Variants in PCLO observed in about 807,000 individuals in gnomAD.
PCLO encodes the protein protein piccolo.
PCLO carries 82 observed loss-of-function variants against 427.5 expected under a neutral mutation model. The observed-to-expected ratio is 0.19, with a 90% confidence interval of 0.16 to 0.23. PCLO has a LOEUF of 0.23. Ranked by LOEUF, PCLO falls within the 10% of genes least tolerant of loss-of-function variation. The probability of loss-of-function intolerance (pLI) is 1.00; values close to 1 mark genes in which losing one functional copy is unlikely to be tolerated. For missense variants in PCLO, 6,239 were observed against 6,115.9 expected (o/e 1.02, Z -0.67); for synonymous variants, 2,357 against 2,155.4 (o/e 1.09, Z -2.59).
intron 6 of PCLO, among the ~76,000 whole-genome samples, chr7:82,931,418 T>G (rs1226879464): frequency 6.6e-6 from 1 of 152,106 alleles, no homozygotes; most frequent in Non-Finnish European, 1.5e-5. Context: ...CAACAATATT[T>G]ACATTTTCTG....
In PCLO at chr7:83,135,503, A is replaced by C; in HGVS notation, c.2047T>G (p.Ser683Ala). ...SKSSPQPQQT[S>A]PKKDAAPKQD... Reference sequence around the variant, plus strand: ...TTTGGTGCAGCATCCTTCTTTGGGGAAGTCTGCTGTGGCTGTGGGGATGAT... The same window carrying C: ...TTTGGTGCAGCATCCTTCTTTGGGGCAGTCTGCTGTGGCTGTGGGGATGAT... Residue 683 changes from serine to alanine, a missense_variant, in exon 3 of 25, where the codon TCC (serine) becomes GCC (alanine). Coordinates refer to ENST00000333891, the MANE Select transcript of PCLO (RefSeq NM_033026.6). 6.2e-7 allele frequency: 1 copy of C among 1,613,496 alleles called. No homozygotes were observed. Among genetic ancestry groups the C allele is most frequent in the Non-Finnish European group, 8.5e-7 (1 of 1,179,786 alleles).
intron 22 of PCLO, among the ~76,000 whole-genome samples, chr7:82,780,676 T>G (rs1790854539): frequency 6.6e-6 from 1 of 152,164 alleles, no homozygotes; most frequent in East Asian, 1.9e-4. Flanking sequence ...GCCTCGCGAG[T>G]GGCTTATTTG....
chr7:82,956,607 T>C lies in PCLO; in HGVS notation c.4346A>G (p.Gln1449Arg), dbSNP rs949923327. 9.3e-6 allele frequency: 15 copies of C among 1,613,654 alleles called. No homozygotes were observed. Among genetic ancestry groups the C allele is most frequent in the Admixed American group, 1.7e-5 (1 of 59,952 alleles). Residue 1449 changes from glutamine (Q) to arginine (R), a missense_variant, in exon 5 of 25, where the codon CAA becomes CGA. By Grantham distance (43) the Gln-to-Arg change is conservative. Transcript: ENST00000333891. ...TTCAGATAAACTCTGAGTTTTCTCT[T>C]GGTCTTTAGGCTGTTCAGGAGAAAC... ...HEVSPEQPKD[Q>R]EKTQSLSETL... is the part of the protein sequence containing the mutation.
At chr7:82,800,932 C>T (rs908221134) in intron 22 of PCLO, among the ~76,000 whole-genome samples, 1 of 151,762 alleles carries the variant, frequency 6.6e-6, no homozygotes, top group Non-Finnish European at 1.5e-5. Flanking sequence ...AGCTTGTCAT[C>T]GTAAAGCTTA....
At chr7:82,776,667 C>T (rs952030983) in intron 22 of PCLO, among the ~76,000 whole-genome samples, 2 of 151,916 alleles carry the variant, frequency 1.3e-5, no homozygotes, top group Non-Finnish European at 2.9e-5. Flanking sequence ...TGATGGCGTG[C>T]GCCTGTAATC....
chr7:83,001,509 C>G (rs1787823293), intron 3 of PCLO, among the ~76,000 whole-genome samples: 1 of 151,114 alleles, frequency 6.6e-6, no homozygotes, highest in Non-Finnish European at 1.5e-5. Context: ...CATACAAACA[C>G]ACACACACAC....
chr7:82,859,001 T>C (rs1240483668), intron 10 of PCLO, among the ~76,000 whole-genome samples: 1 of 152,092 alleles, frequency 6.6e-6, no homozygotes, highest in African/African-American at 2.4e-5. Context: ...ATGGTGTCTA[T>C]GGGGTGAGGC....
rs1789952803 is a variant in PCLO, at chr7:83,076,393, G to A, written c.3300+57857C>T. Reference sequence around the variant, plus strand: ...TTCTCCTGCCTCAGCCTCCCAAGTAGCTGGGATTACAGGTGCCTGCCACCA... The same window carrying A: ...TTCTCCTGCCTCAGCCTCCCAAGTAACTGGGATTACAGGTGCCTGCCACCA... On this transcript the variant is annotated intron_variant, in intron 3 of 24. Transcript: ENST00000333891. Among the ~76,000 whole-genome samples the A allele has an allele frequency of 2.0e-5, 3 of 151,912 alleles. No individual in the cohort carries two copies. In the South Asian group the frequency reaches 6.2e-4, roughly 31 times the overall value.
intron 3 of PCLO, among the ~76,000 whole-genome samples, chr7:83,086,449 T>C (rs560366427): frequency 5.9e-5 from 9 of 151,954 alleles, no homozygotes; most frequent in African/African-American, 1.9e-4. Flanking sequence ...GTGAAAAACT[T>C]CCTTATTGAT....
At chr7:82,791,672 T>C (rs1014977488) in intron 22 of PCLO, among the ~76,000 whole-genome samples, 2 of 152,198 alleles carry the variant, frequency 1.3e-5, no homozygotes, top group Non-Finnish European at 2.9e-5. Flanking sequence ...TACTTTCTTA[T>C]CTGTAAAACT....
intron 3 of PCLO, among the ~76,000 whole-genome samples, chr7:83,133,626 T>C (rs1174116062): frequency 3.3e-5 from 5 of 151,958 alleles, no homozygotes; most frequent in Non-Finnish European, 7.4e-5. Flanking sequence ...TAAAGTGCCA[T>C]ATCATACAGA....
chr7:82,762,554 T>C (rs1790452705), intron 22 of PCLO, among the ~76,000 whole-genome samples: 1 of 152,070 alleles, frequency 6.6e-6, no homozygotes, highest in African/African-American at 2.4e-5. Context: ...AACCTTTGTT[T>C]ATGTGGATAA....
At chr7:82,874,412 T>G (rs1793318939) in intron 10 of PCLO, among the ~76,000 whole-genome samples, 1 of 152,188 alleles carries the variant, frequency 6.6e-6, no homozygotes, top group Admixed American at 6.5e-5. Flanking sequence ...AGTGAGCCAC[T>G]GTGACGGGCC....
chr7:82,766,652 A>G (rs1313806875), intron 22 of PCLO, among the ~76,000 whole-genome samples: 2 of 152,160 alleles, frequency 1.3e-5, no homozygotes, highest in Non-Finnish European at 2.9e-5. Flanking sequence ...GACAAATTTT[A>G]TCTGGGAGAA....
Position 83,134,560 on chromosome 7 carries a change from T to C in PCLO, c.2990A>G (p.Lys997Arg), listed in dbSNP as rs780538666. 2.5e-6 allele frequency: 4 copies of C among 1,613,940 alleles called. No individual in the cohort carries two copies. In the South Asian group the frequency reaches 4.4e-5, roughly 18 times the overall value. The change falls in exon 3 of 25, where the codon AAA becomes AGA. Residue 997 changes from lysine to arginine, a missense_variant. Physicochemically the swap from Lys to Arg is conservative, Grantham distance 26. Around this residue, in one of 5 missense-constraint regions of PCLO, gnomAD observed 4,677 missense variants for 4,468.4 expected, o/e 1.05. Coordinates refer to ENST00000333891, the MANE Select transcript of PCLO (RefSeq NM_033026.6). ...AGCTGCTGGGGCTTTTGTTTCCTTT[T>C]TCACAGGTATACTTTTTGCAGGTGC... Reference protein sequence around the residue: ...PPAPAKSIPVKKETKAPAAEK... With the variant: ...PPAPAKSIPVRKETKAPAAEK...
intron 3 of PCLO, among the ~76,000 whole-genome samples, chr7:83,003,879 C>A (rs992673954): frequency 2.0e-5 from 3 of 151,340 alleles, no homozygotes; most frequent in African/African-American, 7.3e-5. Context: ...GAAGTGTTCC[C>A]TCCTTTTTAA....
chr7:83,028,906 T>G (rs1270414348), intron 3 of PCLO, among the ~76,000 whole-genome samples: 2 of 152,112 alleles, frequency 1.3e-5, no homozygotes, highest in East Asian at 3.9e-4. Flanking sequence ...GCTAGCCATA[T>G]GTAGAAAGCT....
At chr7:83,065,284 T>C (rs1440693406) in intron 3 of PCLO, among the ~76,000 whole-genome samples, 1 of 151,972 alleles carries the variant, frequency 6.6e-6, no homozygotes, top group Non-Finnish European at 1.5e-5. Context: ...CTACATAATT[T>C]CCTTGCTATA....
intron 20 of PCLO, among the ~76,000 whole-genome samples, 174 bp from the exon 21 acceptor site, chr7:82,806,003 CA>C (rs1281691242): frequency 6.6e-6 from 1 of 152,050 alleles, no homozygotes; most frequent in Non-Finnish European, 1.5e-5. Context: ...ATGGTGGCAA[CA>C]ATAAATTATT....
Sources: allele counts gnomAD v4.1 joint callset (sites outside exome capture counted in the v4.1 genomes callset), GRCh38; gene constraint gnomAD v4.1.1; regional missense constraint gnomAD v4.1.1; transcripts MANE v1.5; gene names NCBI Gene and HGNC (gene_info 2026-07-23, HGNC 2026-07-21).